The following DPP6 variants were observed in gnomAD, a reference collection of about 807,000 sequenced individuals.
DPP6 encodes dipeptidyl peptidase like 6, also known as A-type potassium channel modulatory protein DPP6.
A neutral mutation model predicts 122.6 loss-of-function variants in DPP6; 69 were observed. The ratio of observed to expected loss-of-function variants is 0.56; its 90% CI spans 0.46 to 0.69. The LOEUF is 0.69. DPP6 is among the 30% of genes least tolerant of loss of function. The pLI is 0.00. For missense variants in DPP6, 928 were observed against 1,116.9 expected (o/e 0.83, Z 2.41); for synonymous variants, 418 against 433.1 (o/e 0.97, Z 0.43).
chr7:154,859,294 G>A (rs981967829), intron 17 of DPP6, among the ~76,000 whole-genome samples: 8 of 152,236 alleles, frequency 5.3e-5, no homozygotes, highest in Non-Finnish European at 1.2e-4. Flanking sequence ...CCAGGAAAGC[G>A]GGGCCCATGG....
rs72505524 is a variant in DPP6, at chr7:154,060,348, G to A, written c.243+7285G>A. ...CGCAGGAGGGGGAGGCACCCCCCGC[G>A]AGGCAGGGACTGAGAGCCAGCCCCT... On this transcript the variant is annotated intron_variant, in intron 1 of 25. Transcript: ENST00000377770. Among the ~76,000 whole-genome samples, 9 of 125,582 alleles carry A rather than the reference G, an allele frequency of 7.2e-5. 1 individual carries two copies. The highest frequency in any genetic ancestry group is 2.4e-4 in the East Asian group (1 of 4,104). 82.4% of individuals were successfully genotyped at this position (125,582 alleles called of 152,430 possible). A position where few individuals can be genotyped will look rare whatever the true frequency, so the allele number is the denominator to read the frequency against.
chr7:153,844,854 G>T, the DPP6 span, among the ~76,000 whole-genome samples: 1 of 152,048 alleles, frequency 6.6e-6, no homozygotes, highest in East Asian at 1.9e-4. Flanking sequence ...AAAAATATAG[G>T]CTCTTGAGTG....
intron 1 of DPP6, among the ~76,000 whole-genome samples, chr7:153,965,564 G>A (rs1308359438): frequency 6.6e-6 from 1 of 152,012 alleles, no homozygotes; most frequent in Non-Finnish European, 1.5e-5. Context: ...CCAGGTTGGA[G>A]CACAGTGGCG....
At chr7:153,960,267 T>G (rs1795277976) in intron 1 of DPP6, among the ~76,000 whole-genome samples, 1 of 152,280 alleles carries the variant, frequency 6.6e-6, no homozygotes, top group South Asian at 2.1e-4. Context: ...CATGCTATTT[T>G]ATAACATTTT....
At chr7:154,368,793 A>G (rs1474989070) in intron 1 of DPP6, among the ~76,000 whole-genome samples, 1 of 152,260 alleles carries the variant, frequency 6.6e-6, no homozygotes, top group African/African-American at 2.4e-5. Flanking sequence ...TAACAAGAAC[A>G]GTTTTTATAT....
At chr7:154,543,958 C>T (rs904010642) in intron 4 of DPP6, among the ~76,000 whole-genome samples, 5 of 139,828 alleles carry the variant, frequency 3.6e-5, no homozygotes, top group African/African-American at 1.4e-4. Flanking sequence ...CGTTCCACTA[C>T]ACGCCAGCCT....
At chr7:154,480,268 T>C (rs980073760) in intron 3 of DPP6, among the ~76,000 whole-genome samples, 1 of 152,198 alleles carries the variant, frequency 6.6e-6, no homozygotes, top group Non-Finnish European at 1.5e-5. Flanking sequence ...CTGTTCCCCT[T>C]TGCAGCCTGA....
At chr7:154,849,111 T>C (rs1256257989) in intron 16 of DPP6, among the ~76,000 whole-genome samples, 1 of 152,252 alleles carries the variant, frequency 6.6e-6, no homozygotes, top group Non-Finnish European at 1.5e-5. Context: ...TCCTGTTTTA[T>C]TCTTTTTGAA....
At chr7:153,793,965 G>A in the DPP6 span, among the ~76,000 whole-genome samples, 3 of 152,356 alleles carry the variant, frequency 2.0e-5, no homozygotes, top group African/African-American at 7.2e-5. Flanking sequence ...CTTGGGTTTG[G>A]GAACCTCCAC....
chr7:154,338,166 G>A (rs1027012893), intron 1 of DPP6, among the ~76,000 whole-genome samples: 3 of 151,896 alleles, frequency 2.0e-5, no homozygotes, highest in South Asian at 2.1e-4. Flanking sequence ...AAATTTCTTC[G>A]AAGGGCTCCA....
intron 6 of DPP6, among the ~76,000 whole-genome samples, chr7:154,649,437 C>T (rs1586808893): frequency 6.6e-6 from 1 of 152,232 alleles, no homozygotes; most frequent in Non-Finnish European, 1.5e-5. Flanking sequence ...GCACCTTTAA[C>T]TAGATTCTAA....
chr7:154,460,475 A>C (rs533542886), intron 2 of DPP6, among the ~76,000 whole-genome samples: 2 of 152,234 alleles, frequency 1.3e-5, no homozygotes, highest in South Asian at 2.1e-4. Flanking sequence ...TTCATGTATA[A>C]ATTTCTTGTT....
At chr7:154,292,747 A>G (rs940729002) in intron 1 of DPP6, among the ~76,000 whole-genome samples, 6 of 152,202 alleles carry the variant, frequency 3.9e-5, no homozygotes, top group African/African-American at 7.2e-5. Flanking sequence ...TTGATTTCCT[A>G]GGGAACTTAG....
At chr7:154,837,204 T>TCACACATGCA (rs745433492) in intron 16 of DPP6, among the ~76,000 whole-genome samples, 2 of 148,594 alleles carry the variant, frequency 1.3e-5, no homozygotes, top group African/African-American at 5.0e-5. Context: ...TAACGCACAT[T>TCACACATGCA]CACACATGCA....
chr7:154,042,330 G>A (rs1466756810), intron 1 of DPP6, among the ~76,000 whole-genome samples: 1 of 152,180 alleles, frequency 6.6e-6, no homozygotes, highest in African/African-American at 2.4e-5. Context: ...CAGCACGGGG[G>A]CAACCAATGA....
chr7:154,260,986 C>A (rs1215654923), intron 1 of DPP6, among the ~76,000 whole-genome samples: 1 of 152,010 alleles, frequency 6.6e-6, no homozygotes, highest in African/African-American at 2.4e-5. Context: ...ATCTCCGCCT[C>A]CTGGGTTCAA....
chr7:154,717,605 T>A (rs1841562299), intron 7 of DPP6, among the ~76,000 whole-genome samples: 1 of 152,164 alleles, frequency 6.6e-6, no homozygotes, highest in African/African-American at 2.4e-5. Context: ...TACTATTTCC[T>A]TGTATACATG....
chr7:154,841,128 G>A (rs1801495643), intron 16 of DPP6, among the ~76,000 whole-genome samples: 1 of 152,228 alleles, frequency 6.6e-6, no homozygotes, highest in Admixed American at 6.5e-5. Flanking sequence ...TGTGCTCAGT[G>A]CTATGACAAT....
At chr7:154,355,046 GTGT>G (rs1227245793) in intron 1 of DPP6, among the ~76,000 whole-genome samples, 5 of 152,112 alleles carry the variant, frequency 3.3e-5, no homozygotes, top group African/African-American at 1.2e-4. Context: ...GGTGGTGGTG[GTGT>G]TTTTACCATT....
Sources: gnomAD v4.1 joint callset for allele counts (sites outside exome capture counted in the v4.1 genomes callset) on GRCh38, gnomAD v4.1.1 for gene constraint, MANE v1.5 for transcripts, NCBI Gene and HGNC (gene_info 2026-07-23, HGNC 2026-07-21) for gene names.